MAP4K4: variants seen among roughly 807,000 people sequenced by gnomAD.
MAP4K4 encodes mitogen-activated protein kinase kinase kinase kinase 4.
Under a neutral mutation model 189.6 loss-of-function variants are expected in MAP4K4, and 38 were observed. The observed-to-expected ratio is 0.20, with a 90% CI of 0.15 to 0.26. The LOEUF is 0.26. MAP4K4 is among the 10% of genes least tolerant of loss of function. MAP4K4 has a pLI of 1.00. For missense variants in MAP4K4, 1,054 were observed against 1,726.9 expected (o/e 0.61, Z 6.91); for synonymous variants, 610 against 624.3 (o/e 0.98, Z 0.34).
At chr2:101,863,535 G>GAA (rs963752462) in intron 16 of MAP4K4, among the ~76,000 whole-genome samples, 2 of 149,508 alleles carry the variant, frequency 1.3e-5, no homozygotes, top group Non-Finnish European at 3.0e-5. Context: ...TCTTTGTGGG[G>GAA]AAAAAAAAAA....
chr2:101,719,466 C>A (rs1307423716), intron 2 of MAP4K4, among the ~76,000 whole-genome samples: 1 of 152,122 alleles, frequency 6.6e-6, no homozygotes, highest in Non-Finnish European at 1.5e-5. Context: ...TAGATGACAA[C>A]CATTTTGGTG....
intron 22 of MAP4K4, 133 bp downstream of exon 22, chr2:101,869,930 C>T: frequency 8.0e-7 from 1 of 1,247,870 alleles, no homozygotes; most frequent in Non-Finnish European, 1.1e-6. Flanking sequence ...GATTCAGCAG[C>T]AGGTCGCCTT....
At chr2:101,814,315 T>C (rs531745334) in intron 3 of MAP4K4, among the ~76,000 whole-genome samples, 2 of 152,216 alleles carry the variant, frequency 1.3e-5, no homozygotes, top group East Asian at 3.8e-4. Flanking sequence ...TTTACCCAAG[T>C]CTGTGACACT....
intron 3 of MAP4K4, among the ~76,000 whole-genome samples, chr2:101,822,835 T>C (rs2096149484): frequency 6.6e-6 from 1 of 152,210 alleles, no homozygotes; most frequent in Non-Finnish European, 1.5e-5. Context: ...GGACTAGTCA[T>C]CTTTTCCTTT....
chr2:101,702,038 G>A (rs959359794), intron 2 of MAP4K4, among the ~76,000 whole-genome samples: 3 of 151,958 alleles, frequency 2.0e-5, no homozygotes, highest in Non-Finnish European at 4.4e-5. Flanking sequence ...GCTAATTTTT[G>A]TATATAGAGA....
At chr2:101,769,515 T>C (rs1473942362) in intron 2 of MAP4K4, among the ~76,000 whole-genome samples, 1 of 152,232 alleles carries the variant, frequency 6.6e-6, no homozygotes, top group Non-Finnish European at 1.5e-5. Flanking sequence ...TTGAAGTGAA[T>C]TCAATTCTCA....
chr2:101,698,573 T>A, intron 2 of MAP4K4, 35 bp downstream of exon 2: 3 of 1,594,452 alleles, frequency 1.9e-6, no homozygotes, highest in Non-Finnish European at 2.6e-6. Context: ...TCCCGTGGCA[T>A]GTGGAAACTT....
intron 2 of MAP4K4, among the ~76,000 whole-genome samples, chr2:101,742,589 C>T (rs1296098436): frequency 6.6e-6 from 1 of 152,156 alleles, no homozygotes; most frequent in Non-Finnish European, 1.5e-5. Context: ...TGAGTGAGGA[C>T]TAAAGCTAGC....
chr2:101,778,838 T>C (rs1023189365), intron 2 of MAP4K4, among the ~76,000 whole-genome samples: 9 of 152,104 alleles, frequency 5.9e-5, no homozygotes, highest in African/African-American at 2.2e-4. Flanking sequence ...TAAATCTCTG[T>C]GGCCGGTAAG....
At chr2:101,874,530 T>C (rs137903280) in intron 26 of MAP4K4, among the ~76,000 whole-genome samples, 1 of 152,350 alleles carries the variant, frequency 6.6e-6, no homozygotes, top group Non-Finnish European at 1.5e-5. Flanking sequence ...ATATATTGTA[T>C]AGTGGTGAAG....
intron 32 of MAP4K4, among the ~76,000 whole-genome samples, chr2:101,889,463 C>G (rs932953193): frequency 2.6e-5 from 4 of 152,156 alleles, no homozygotes; most frequent in African/African-American, 7.2e-5. Context: ...CATGACACCC[C>G]CTTTGCTTTT....
chr2:101,784,263 CGTGTGTGTGT>C (rs143119918), intron 2 of MAP4K4, among the ~76,000 whole-genome samples: 3 of 146,748 alleles, frequency 2.0e-5, no homozygotes, highest in East Asian at 4.0e-4. Flanking sequence ...TGATGCTCTT[CGTGTGTGTGT>C]GTGTGTGTGT....
At chr2:101,792,190 G>T (rs939084955) in intron 3 of MAP4K4, among the ~76,000 whole-genome samples, 1 of 152,154 alleles carries the variant, frequency 6.6e-6, no homozygotes, top group African/African-American at 2.4e-5. Context: ...TCTCCATTCC[G>T]AATGCTGTGC....
intron 2 of MAP4K4, among the ~76,000 whole-genome samples, chr2:101,774,931 C>T (rs1194197455): frequency 4.6e-5 from 7 of 151,966 alleles, no homozygotes; most frequent in African/African-American, 1.7e-4. Flanking sequence ...AGTTCACTCT[C>T]AGGTAGGGTG....
chr2:101,774,581 G>A (rs1181600554), intron 2 of MAP4K4, among the ~76,000 whole-genome samples: 2 of 151,986 alleles, frequency 1.3e-5, no homozygotes, highest in African/African-American at 2.4e-5. Context: ...ATCCTGTTTT[G>A]TCCATTTTTC....
chr2:101,844,385 A>G (rs886982697), intron 12 of MAP4K4, 74 bp downstream of exon 12: 16 of 1,222,762 alleles, frequency 1.3e-5, no homozygotes, highest in African/African-American at 4.6e-5. Flanking sequence ...AGCCACTCAG[A>G]GGAATATCCT....
intron 2 of MAP4K4, among the ~76,000 whole-genome samples, chr2:101,731,372 A>C (rs1200846016): frequency 6.6e-6 from 1 of 151,640 alleles, no homozygotes; most frequent in Non-Finnish European, 1.5e-5. Flanking sequence ...TGCCTTGGCC[A>C]TCCAAAGTGC....
intron 3 of MAP4K4, among the ~76,000 whole-genome samples, chr2:101,821,655 A>G (rs1576246196): frequency 6.6e-6 from 1 of 152,344 alleles, no homozygotes; most frequent in Non-Finnish European, 1.5e-5. Flanking sequence ...GTGAAGGCCT[A>G]GGACATTACT....
At chr2:101,831,788 C>T in exon 7 of MAP4K4, 2 of 1,611,158 alleles carry the variant, frequency 1.2e-6, no homozygotes, top group Non-Finnish European at 1.7e-6. Context: ...TAGGCACTCC[C>T]TACTGGATGG....
Sources: gnomAD v4.1 joint callset for allele counts (sites outside exome capture counted in the v4.1 genomes callset) on GRCh38, gnomAD v4.1.1 for gene constraint, MANE v1.5 for transcripts, NCBI Gene and HGNC (gene_info 2026-07-23, HGNC 2026-07-21) for gene names.